KIF13B: variants seen among roughly 807,000 people sequenced by gnomAD.
KIF13B encodes kinesin-like protein KIF13B.
A neutral mutation model predicts 222.0 loss-of-function variants in KIF13B; 127 were observed. The observed-to-expected ratio is 0.57, with a 90% CI of 0.50 to 0.66. KIF13B has a LOEUF of 0.66. Ranked by LOEUF, KIF13B falls within the 30% of genes least tolerant of loss-of-function variation. KIF13B has a pLI of 0.00. For missense variants in KIF13B, 2,173 were observed against 2,379.0 expected, an observed-to-expected ratio of 0.91 and a Z score of 1.80; for synonymous variants, 976 against 919.0, an observed-to-expected ratio of 1.06 and a Z score of -1.12.
At position 29,072,034 on chromosome 8, in the gene KIF13B, C is replaced by T. The variant is rs1807313561; in HGVS notation, c.4804G>A (p.Glu1602Lys). 15 of 1,297,602 alleles carry T rather than the reference C, an allele frequency of 1.2e-5. No individual in the cohort carries two copies. Among genetic ancestry groups the T allele is most frequent in the Non-Finnish European group, 1.3e-5 (13 of 1,025,628 alleles). 80.4% of individuals were successfully genotyped at this position (1,297,602 alleles called of 1,614,324 possible). A position where few individuals can be genotyped will look rare whatever the true frequency, so the allele number is the denominator to read the frequency against. ...GGGTGGCTGATGGGCGCCTCGGGCT[C>T]GGCCTCAGGGGCGGTGGGCATGGAC... ...PGSMPTAPEA[E>K]PEAPISHPPP... is the part of the protein sequence containing the mutation. The change falls in exon 39 of 40, where the codon GAG (glutamate) becomes AAG (lysine). Residue 1602 changes from glutamate (E) to lysine (K), a missense_variant. Around this residue, in one of 2 missense-constraint regions of KIF13B, gnomAD observed 693 missense variants for 656.2 expected, o/e 1.06. Transcript: ENST00000524189.
chr8:29,172,631 A>G (rs1563759618), intron 10 of KIF13B, among the ~76,000 whole-genome samples: 1 of 152,236 alleles, frequency 6.6e-6, no homozygotes, highest in Non-Finnish European at 1.5e-5. Context: ...TGATAAGAAG[A>G]GCACAGCCTT....
chr8:29,102,790 G>T (rs76886387), intron 35 of KIF13B, among the ~76,000 whole-genome samples: 5 of 152,214 alleles, frequency 3.3e-5, no homozygotes, highest in Non-Finnish European at 7.4e-5. Flanking sequence ...TCAGGAAGGC[G>T]ATGGAGCCAA....
In KIF13B at chr8:29,069,158, G is replaced by A. The variant is rs1015617114; in HGVS notation, c.*1346C>T. On this transcript the variant is annotated 3_prime_UTR_variant, in exon 40 of 40. Coordinates refer to ENST00000524189, the MANE Select transcript of KIF13B (RefSeq NM_015254.4). ...GTGTGAATCTTGACCCAGGACTCCT[G>A]TCCCTAGATTGGTGGCCTTCCACAC... The A allele has an allele frequency of 6.6e-6, 1 of 152,270 alleles. No individual in the cohort carries two copies. The highest frequency in any genetic ancestry group is 1.5e-5 in the Non-Finnish European group (1 of 68,072). The allele number at this position is 152,270 out of a possible 1,614,324, so 9.4% of individuals were successfully genotyped here. A position where few individuals can be genotyped will look rare whatever the true frequency, so the allele number is the denominator to read the frequency against.
chr8:29,202,242 A>G (rs1045191971), intron 2 of KIF13B, among the ~76,000 whole-genome samples: 2 of 152,140 alleles, frequency 1.3e-5, no homozygotes, highest in African/African-American at 2.4e-5. Flanking sequence ...CAGGGAAGCT[A>G]ACTTGTTTTA....
At chr8:29,095,445 G>A (rs1586768166) in intron 36 of KIF13B, among the ~76,000 whole-genome samples, 1 of 152,330 alleles carries the variant, frequency 6.6e-6, no homozygotes, top group Admixed American at 6.5e-5. Flanking sequence ...AAAAAGGAGA[G>A]CATTTTTCTC....
chr8:29,192,270 C>G (rs573244081), intron 3 of KIF13B, among the ~76,000 whole-genome samples: 103 of 152,322 alleles, frequency 6.8e-4, no homozygotes, highest in African/African-American at 2.4e-3. Flanking sequence ...CTCCAGTCCC[C>G]AACCATACAC....
chr8:29,217,996 TC>T lies in KIF13B; in HGVS notation c.150-21798del, dbSNP rs1563798496. 5.3e-5 allele frequency among the ~76,000 whole-genome samples: 8 copies of T among 152,220 alleles called. No homozygotes were observed. In the South Asian group the frequency reaches 1.7e-3, roughly 32 times the overall value. On this transcript the variant is annotated intron_variant, in intron 2 of 39. Coordinates refer to ENST00000524189, the MANE Select transcript of KIF13B (RefSeq NM_015254.4). ...CTACTTAGTATGGGTGTCAACTGAT[TC>T]CCCTTTGAACATCTTAAACCTGTTT... is the stretch of plus-strand genomic sequence containing the variant.
At chr8:29,138,943 AT>A in intron 21 of KIF13B, among the ~76,000 whole-genome samples, 1 of 152,278 alleles carries the variant, frequency 6.6e-6, no homozygotes, top group African/African-American at 2.4e-5. Flanking sequence ...AATTTTGGCA[AT>A]TATGGTTATA....
rs772898747 is a variant in KIF13B, at chr8:29,142,214, C to T, written c.2277G>A (p.Arg759=). The stretch of plus-strand genomic sequence containing the variant: ...GATAAAGGTCTCTCATATCCAACAG[C>T]CTGTTGTCCAGTTTTTCCAAAGACC... The part of the protein sequence containing the change: ...QIWSLEKLDN[R]LLDMRDLYQE... Residue 759 remains arginine, a synonymous_variant, in exon 19 of 40, where the codon AGG becomes AGA. Transcript: ENST00000524189. 1 of 1,613,666 alleles carries T rather than the reference C, an allele frequency of 6.2e-7. No homozygotes were observed. The highest frequency in any genetic ancestry group is 8.5e-7 in the Non-Finnish European group (1 of 1,179,586).
intron 2 of KIF13B, among the ~76,000 whole-genome samples, chr8:29,230,025 C>T (rs1399303799): frequency 6.6e-6 from 1 of 152,100 alleles, no homozygotes; most frequent in Non-Finnish European, 1.5e-5. Flanking sequence ...TAAATCAAGG[C>T]AAAATAGCAG....
chr8:29,070,421 G>C lies in KIF13B; in HGVS notation c.*83C>G. 6.7e-7 allele frequency: 1 copy of C among 1,502,296 alleles called. No individual in the cohort carries two copies. Among genetic ancestry groups the C allele is most frequent in the Non-Finnish European group, 9.1e-7 (1 of 1,104,882 alleles). The allele number at this position is 1,502,296 out of a possible 1,614,324, so 93.1% of individuals were successfully genotyped here. ...CCTGCCCCTGGGGAAGGGGCCACCG[G>C]GCTCCTGGCTCCTCAGGGCTGTCAC... On this transcript the variant is annotated 3_prime_UTR_variant, in exon 40 of 40. Coordinates refer to ENST00000524189, the MANE Select transcript of KIF13B (RefSeq NM_015254.4). The surrounding 1 kb of genome is among the most constrained non-coding windows in gnomAD (Gnocchi z 4.1).
intron 10 of KIF13B, among the ~76,000 whole-genome samples, chr8:29,171,433 A>G (rs913094600): frequency 1.3e-5 from 2 of 152,206 alleles, no homozygotes; most frequent in Admixed American, 6.5e-5. Flanking sequence ...GCAGAAAAAA[A>G]AAGACGCTGT....
At chr8:29,244,268 C>T (rs1815923455) in intron 2 of KIF13B, among the ~76,000 whole-genome samples, 1 of 152,224 alleles carries the variant, frequency 6.6e-6, no homozygotes, top group Non-Finnish European at 1.5e-5. Flanking sequence ...CCACCTTGGC[C>T]TCCCAAAGTG....
intron 7 of KIF13B, among the ~76,000 whole-genome samples, 151 bp from the exon 8 acceptor site, chr8:29,180,389 T>C (rs1186701425): frequency 1.3e-5 from 2 of 152,310 alleles, no homozygotes; most frequent in Middle Eastern, 3.4e-3. Flanking sequence ...TTGAGCCCCA[T>C]GGAGTACAAT....
intron 10 of KIF13B, among the ~76,000 whole-genome samples, chr8:29,168,366 T>TG (rs751045233): frequency 6.6e-6 from 1 of 152,188 alleles, no homozygotes; most frequent in Non-Finnish European, 1.5e-5. Context: ...AAAGAAGACT[T>TG]GGGGCATCAA....
At chr8:29,215,486 A>G (rs1814434639) in intron 2 of KIF13B, among the ~76,000 whole-genome samples, 1 of 152,166 alleles carries the variant, frequency 6.6e-6, no homozygotes, top group African/African-American at 2.4e-5. Context: ...TCAAGAATTC[A>G]AGGACCAGCT....
Position 29,165,546 on chromosome 8 carries a change from AGT to A in KIF13B, c.1269+114_1269+115del. 4 of 639,350 alleles carry A rather than the reference AGT, an allele frequency of 6.3e-6. No individual in the cohort carries two copies. In the East Asian group the frequency reaches 1.1e-4, roughly 17 times the overall value. The allele number at this position is 639,350 out of a possible 1,614,324, so 39.6% of individuals were successfully genotyped here. A position where few individuals can be genotyped will look rare whatever the true frequency, so the allele number is the denominator to read the frequency against. On this transcript the variant is annotated intron_variant, in intron 12 of 39. Transcript: ENST00000524189. ...CTTTCAGATCTAGATTCCTAATGAT[AGT>A]GTGAGATTTGCCATCAGCCAAGCTG... is the stretch of plus-strand genomic sequence containing the variant.
At chr8:29,146,706 C>T (rs575998317) in intron 17 of KIF13B, among the ~76,000 whole-genome samples, 166 bp from the exon 18 acceptor site, 1 of 152,302 alleles carries the variant, frequency 6.6e-6, no homozygotes. Context: ...CATGCACACG[C>T]TTGAACCTCA....
Position 29,067,874 on chromosome 8 carries a change from C to G in KIF13B, c.*2630G>C, listed in dbSNP as rs983983117. The G allele has an allele frequency of 2.6e-5, 4 of 152,934 alleles. No individual in the cohort carries two copies. Among genetic ancestry groups the G allele is most frequent in the Admixed American group, 2.0e-4 (3 of 15,310 alleles). The allele number at this position is 152,934 out of a possible 1,614,324, so 9.5% of individuals were successfully genotyped here. ...TCTTCCCCCTCCTCACCTCTGCCCTCCCGCTCCCTCTGGTCAGGCCTGGGT... is the reference window on the plus strand; with the variant it reads ...TCTTCCCCCTCCTCACCTCTGCCCTGCCGCTCCCTCTGGTCAGGCCTGGGT... On this transcript the variant is annotated 3_prime_UTR_variant, in exon 40 of 40. Transcript: ENST00000524189.
Sources: allele counts gnomAD v4.1 joint callset (sites outside exome capture counted in the v4.1 genomes callset), GRCh38; gene constraint gnomAD v4.1.1; regional missense constraint gnomAD v4.1.1; non-coding constraint Gnocchi (gnomAD v3.1); transcripts MANE v1.5; gene names NCBI Gene and HGNC (gene_info 2026-07-23, HGNC 2026-07-21).